ZNF740: variants seen among roughly 807,000 people sequenced by gnomAD.
The protein encoded by ZNF740 is zinc finger protein 740, also known as oriLyt TD-element-binding protein 7.
In ZNF740, 14 loss-of-function variants were observed where a neutral mutation model predicts 24.8. The observed-to-expected ratio is 0.56, with a 90% CI of 0.37 to 0.88. The LOEUF (loss-of-function observed/expected upper bound fraction) is 0.88, where lower values mean the gene tolerates loss of function less well. Among genes scored for constraint, ZNF740 ranks in the 40% least tolerant of loss-of-function variants. The pLI, the probability that ZNF740 is intolerant of heterozygous loss-of-function variation, is 0.00. For synonymous variants in ZNF740, 69 were observed against 84.0 expected (o/e 0.82, Z 0.98); for missense variants, 201 against 247.9 (o/e 0.81, Z 1.27).
rs530572076 is a variant in ZNF740 at position 53,188,909 on chromosome 12, A to T, written c.*1319A>T. On this transcript the variant is annotated 3_prime_UTR_variant, in exon 7 of 7. Transcript: ENST00000416904. The stretch of plus-strand genomic sequence containing the variant: ...TCGGGTGTGTGTGTGTGTGTGAGAG[A>T]GAGTGTGTGTGAGATATGAATGCAT... 3 of 152,170 alleles carry T rather than the reference A, an allele frequency of 2.0e-5. No homozygotes were observed. Among genetic ancestry groups the T allele is most frequent in the East Asian group, 3.9e-4 (2 of 5,180 alleles). The allele number at this position is 152,170 out of a possible 1,614,324, so 9.4% of individuals were successfully genotyped here.
chr12:53,193,107 A>G lies in ZNF740; in HGVS notation c.*5517A>G, dbSNP rs1296025417. On this transcript the variant is annotated 3_prime_UTR_variant, in exon 7 of 7. Transcript: ENST00000416904. Reference sequence around the variant, plus strand: ...CCTAAGTGCCTTGGGAAGGCCTCTCAGACCCCGCCCTTCTCCCCAAGGCTC... The same window carrying G: ...CCTAAGTGCCTTGGGAAGGCCTCTCGGACCCCGCCCTTCTCCCCAAGGCTC... 3.2e-6 allele frequency: 5 copies of G among 1,571,288 alleles called. No individual in the cohort carries two copies. The Admixed American group carries it at 8.6e-5, about 27-fold the overall frequency.
At position 53,194,032 on chromosome 12, in the gene ZNF740, A is replaced by G; in HGVS notation, c.*6442A>G. On this transcript the variant is annotated 3_prime_UTR_variant, in exon 7 of 7. Coordinates refer to ENST00000416904, the MANE Select transcript of ZNF740 (RefSeq NM_001004304.4). ...GTCATGTTAACACCCAACTCCTAGA[A>G]ACATGCCTGAGGAAGCCACTCAGAC... The G allele has an allele frequency of 7.6e-7, 1 of 1,308,612 alleles. No individual in the cohort carries two copies. Among genetic ancestry groups the G allele is most frequent in the South Asian group, 1.4e-5 (1 of 72,762 alleles). 81.1% of individuals were successfully genotyped at this position (1,308,612 alleles called of 1,614,324 possible). A position where few individuals can be genotyped will look rare whatever the true frequency, so the allele number is the denominator to read the frequency against.
rs371233331 is a variant in ZNF740 at position 53,187,809 on chromosome 12, A to G, written c.*219A>G. 1 of 539,032 alleles carries G rather than the reference A, an allele frequency of 1.9e-6. No individual in the cohort carries two copies. 33.4% of individuals were successfully genotyped at this position (539,032 alleles called of 1,614,324 possible). A position where few individuals can be genotyped will look rare whatever the true frequency, so the allele number is the denominator to read the frequency against. On this transcript the variant is annotated 3_prime_UTR_variant, in exon 7 of 7. Transcript: ENST00000416904. ...AGTATCTCGGGGAAGTTCTTACAGC[A>G]TTCCTGGGTAGGGGAGCTAGTCCCT...
At chr12:53,182,149 C>T in intron 2 of ZNF740, 157 bp downstream of exon 2, 1 of 1,052,222 alleles carries the variant, frequency 9.5e-7, no homozygotes, top group South Asian at 1.6e-5. Context: ...GGAGACAGGC[C>T]ACAGCCCCTG....
intron 3 of ZNF740, 125 bp downstream of exon 3, chr12:53,185,165 G>A: frequency 2.1e-6 from 3 of 1,441,778 alleles, no homozygotes; most frequent in Non-Finnish European, 2.8e-6. Flanking sequence ...ATCCAACTGG[G>A]GAATGGATGA....
Position 53,193,310 on chromosome 12 carries a change from G to T in ZNF740, c.*5720G>T. The T allele has an allele frequency of 6.2e-7, 1 of 1,610,652 alleles. No homozygotes were observed. Among genetic ancestry groups the T allele is most frequent in the Non-Finnish European group, 8.5e-7 (1 of 1,177,390 alleles). ...GCACCCAGATTCCAGGTCTGGGGAG[G>T]ACAGCTCTGCCACAGAGCACTCACA... On this transcript the variant is annotated 3_prime_UTR_variant, in exon 7 of 7. Transcript: ENST00000416904.
In ZNF740 at chr12:53,192,362, C is replaced by T; in HGVS notation, c.*4772C>T. The T allele has an allele frequency of 6.2e-7, 1 of 1,614,108 alleles. No individual in the cohort carries two copies. The highest frequency in any genetic ancestry group is 8.5e-7 in the Non-Finnish European group (1 of 1,180,036). ...GGGTCTCACTCTGAGCACGACCGTG[C>T]CTCTGGCGTCATCCTCCACCAAGAA... On this transcript the variant is annotated 3_prime_UTR_variant, in exon 7 of 7. Transcript: ENST00000416904.
rs765794802 is a variant in ZNF740, at chr12:53,186,042, G to A, written c.338G>A (p.Ser113Asn). ...CEHCFGAFRS[S>N]YHLKRHILIH... ...CACTGCTTTGGAGCCTTTCGGAGCAGTTACCACCTAAAGAGGCACATCCTT... is the reference window on the plus strand; with the variant it reads ...CACTGCTTTGGAGCCTTTCGGAGCAATTACCACCTAAAGAGGCACATCCTT... The change falls in exon 5 of 7, where the codon AGT becomes AAT. Residue 113 changes from serine to asparagine, a missense_variant. Coordinates refer to ENST00000416904, the MANE Select transcript of ZNF740 (RefSeq NM_001004304.4). The A allele has an allele frequency of 3.1e-6, 5 of 1,613,974 alleles. No homozygotes were observed. The Admixed American group carries it at 8.3e-5, about 27-fold the overall frequency.
chr12:53,190,890 T>A lies in ZNF740; in HGVS notation c.*3300T>A, dbSNP rs1941921413. ...ATACTATCTCCTCTTTGGGGAAGCTTTTTCATACTGGTTTTAGTTGTTTTC... is the reference window on the plus strand; with the variant it reads ...ATACTATCTCCTCTTTGGGGAAGCTATTTCATACTGGTTTTAGTTGTTTTC... On this transcript the variant is annotated 3_prime_UTR_variant, in exon 7 of 7. Coordinates refer to ENST00000416904, the MANE Select transcript of ZNF740 (RefSeq NM_001004304.4). 1 of 152,526 alleles carries A rather than the reference T, an allele frequency of 6.6e-6. No homozygotes were observed. The highest frequency in any genetic ancestry group is 2.1e-4 in the South Asian group (1 of 4,838). 9.4% of individuals were successfully genotyped at this position (152,526 alleles called of 1,614,324 possible). A position where few individuals can be genotyped will look rare whatever the true frequency, so the allele number is the denominator to read the frequency against.
chr12:53,194,219 G>T lies in ZNF740; in HGVS notation c.*6629G>T. On this transcript the variant is annotated 3_prime_UTR_variant, in exon 7 of 7. Coordinates refer to ENST00000416904, the MANE Select transcript of ZNF740 (RefSeq NM_001004304.4). ...TCACCGTCTGGTTGATTCGGACGTG[G>T]TTGCACTGTCCTCGATCCTCAGCCT... 1 of 1,614,018 alleles carries T rather than the reference G, an allele frequency of 6.2e-7. No homozygotes were observed. Among genetic ancestry groups the T allele is most frequent in the Non-Finnish European group, 8.5e-7 (1 of 1,180,006 alleles).
rs371662481 is a variant in ZNF740, at chr12:53,193,226, C to T, written c.*5636C>T. 3.5e-5 allele frequency: 56 copies of T among 1,614,046 alleles called. No homozygotes were observed. The highest frequency in any genetic ancestry group is 4.4e-5 in the Non-Finnish European group (52 of 1,180,026). On this transcript the variant is annotated 3_prime_UTR_variant, in exon 7 of 7. Transcript: ENST00000416904. Reference sequence around the variant, plus strand: ...AGAGCTCTGTCCACTGCAGCTGCAGCGTCCACATTGACAGTGACCCTTTCC... The same window carrying T: ...AGAGCTCTGTCCACTGCAGCTGCAGTGTCCACATTGACAGTGACCCTTTCC...
In ZNF740 at chr12:53,180,826, C is replaced by T; in HGVS notation, c.-319C>T. The T allele has an allele frequency of 7.9e-7, 1 of 1,269,774 alleles. No individual in the cohort carries two copies. Among genetic ancestry groups the T allele is most frequent in the Non-Finnish European group, 1.0e-6 (1 of 981,278 alleles). 78.7% of individuals were successfully genotyped at this position (1,269,774 alleles called of 1,614,324 possible). A position where few individuals can be genotyped will look rare whatever the true frequency, so the allele number is the denominator to read the frequency against. ...CGCGGCCAGGGAGCCAGCGGGAGGCCGCGCCTGGCAGGTAGGAGCAAGCCC... is the reference window on the plus strand; with the variant it reads ...CGCGGCCAGGGAGCCAGCGGGAGGCTGCGCCTGGCAGGTAGGAGCAAGCCC... On this transcript the variant is annotated 5_prime_UTR_variant, in exon 1 of 7. Coordinates refer to ENST00000416904, the MANE Select transcript of ZNF740 (RefSeq NM_001004304.4).
rs1941557111 is a variant in ZNF740 at position 53,180,856 on chromosome 12, G to A, written c.-308+19G>A. On this transcript the variant is annotated intron_variant, in intron 1 of 6. Coordinates refer to ENST00000416904, the MANE Select transcript of ZNF740 (RefSeq NM_001004304.4). ...CTGGCAGGTAGGAGCAAGCCCCAAA[G>A]ACCGCAGCGTCGTCCGTACAGACGG... 7.9e-7 allele frequency: 1 copy of A among 1,262,822 alleles called. No homozygotes were observed. Among genetic ancestry groups the A allele is most frequent in the African/African-American group, 1.6e-5 (1 of 62,524 alleles). 78.2% of individuals were successfully genotyped at this position (1,262,822 alleles called of 1,614,324 possible).
At position 53,193,694 on chromosome 12, in the gene ZNF740, G is replaced by T. The variant is rs1394541836; in HGVS notation, c.*6104G>T. 8 of 1,593,864 alleles carry T rather than the reference G, an allele frequency of 5.0e-6. No individual in the cohort carries two copies. The highest frequency in any genetic ancestry group is 6.0e-6 in the Non-Finnish European group (7 of 1,168,536). Reference sequence around the variant, plus strand: ...TTGGGAGCCAGGTGGTTGAAGGGAAGAGGAGGCCCTCACCTGCATACACCA... The same window carrying T: ...TTGGGAGCCAGGTGGTTGAAGGGAATAGGAGGCCCTCACCTGCATACACCA... On this transcript the variant is annotated 3_prime_UTR_variant, in exon 7 of 7. Transcript: ENST00000416904.
chr12:53,194,003 TG>T lies in ZNF740; in HGVS notation c.*6417del. ...CCTCACCCCTTAGTAAATGAAGGGA[TG>T]GGGTCATGTTAACACCCAACTCCTA... On this transcript the variant is annotated 3_prime_UTR_variant, in exon 7 of 7. Coordinates refer to ENST00000416904, the MANE Select transcript of ZNF740 (RefSeq NM_001004304.4). The T allele has an allele frequency of 1.5e-6, 2 of 1,335,880 alleles. No homozygotes were observed. The highest frequency in any genetic ancestry group is 1.4e-5 in the South Asian group (1 of 72,580). 82.8% of individuals were successfully genotyped at this position (1,335,880 alleles called of 1,614,324 possible). A position where few individuals can be genotyped will look rare whatever the true frequency, so the allele number is the denominator to read the frequency against.
rs1384198153 is a variant in ZNF740, at chr12:53,189,293, G to A, written c.*1703G>A. ...ACTGTAACCTGACCTGACCTGTGGCGGGTACGGGAACTGTCTTAGTAATCA... is the reference window on the plus strand; with the variant it reads ...ACTGTAACCTGACCTGACCTGTGGCAGGTACGGGAACTGTCTTAGTAATCA... On this transcript the variant is annotated 3_prime_UTR_variant, in exon 7 of 7. Transcript: ENST00000416904. 2 of 152,072 alleles carry A rather than the reference G, an allele frequency of 1.3e-5. No individual in the cohort carries two copies. The highest frequency in any genetic ancestry group is 2.9e-5 in the Non-Finnish European group (2 of 67,986). 9.4% of individuals were successfully genotyped at this position (152,072 alleles called of 1,614,324 possible). A position where few individuals can be genotyped will look rare whatever the true frequency, so the allele number is the denominator to read the frequency against.
Position 53,193,462 on chromosome 12 carries a change from T to C in ZNF740, c.*5872T>C. 1.1e-6 allele frequency: 1 copy of C among 905,058 alleles called. No homozygotes were observed. Among genetic ancestry groups the C allele is most frequent in the South Asian group, 1.8e-5 (1 of 55,360 alleles). 56.1% of individuals were successfully genotyped at this position (905,058 alleles called of 1,614,324 possible). A position where few individuals can be genotyped will look rare whatever the true frequency, so the allele number is the denominator to read the frequency against. On this transcript the variant is annotated 3_prime_UTR_variant, in exon 7 of 7. Coordinates refer to ENST00000416904, the MANE Select transcript of ZNF740 (RefSeq NM_001004304.4). Reference sequence around the variant, plus strand: ...TCTAAACCCAAGTTCTCAAAAGAGTTGGAGACAGACAAACAGCTGAAAGGA... The same window carrying C: ...TCTAAACCCAAGTTCTCAAAAGAGTCGGAGACAGACAAACAGCTGAAAGGA...
In ZNF740 at chr12:53,184,151, G is replaced by GCGCGCA. The variant is rs1555175911; in HGVS notation, c.10-735_10-734insACGCGC. On this transcript the variant is annotated intron_variant, in intron 2 of 6. Coordinates refer to ENST00000416904, the MANE Select transcript of ZNF740 (RefSeq NM_001004304.4). ...TGTGTGTGTGTGTGTGTGTGTGTGT[G>GCGCGCA]CGCGCGCGCGCTCTGAAGCTAAGGG... Among the ~76,000 whole-genome samples the GCGCGCA allele has an allele frequency of 4.2e-5, 3 of 70,874 alleles. No homozygotes were observed. The East Asian group carries it at 2.0e-3, about 46-fold the overall frequency. 46.5% of individuals were successfully genotyped at this position (70,874 alleles called of 152,430 possible). A position where few individuals can be genotyped will look rare whatever the true frequency, so the allele number is the denominator to read the frequency against.
chr12:53,182,698 C>T (rs975262257), intron 2 of ZNF740, among the ~76,000 whole-genome samples: 2 of 152,174 alleles, frequency 1.3e-5, no homozygotes, highest in African/African-American at 2.4e-5. Context: ...GATGAGGTTC[C>T]GAGTACTGCA....
Sources: gnomAD v4.1 joint callset for allele counts (sites outside exome capture counted in the v4.1 genomes callset) on GRCh38, gnomAD v4.1.1 for gene constraint, MANE v1.5 for transcripts, NCBI Gene and HGNC (gene_info 2026-07-23, HGNC 2026-07-21) for gene names.